The following SH3KBP1 variants were observed in gnomAD, a reference collection of about 807,000 sequenced individuals.
SH3KBP1 encodes SH3 domain-containing kinase-binding protein 1.
SH3KBP1 carries 8 observed loss-of-function variants against 50.1 expected under a neutral mutation model. That is an observed-to-expected ratio of 0.16 (90% CI 0.09 to 0.29). The LOEUF is 0.29. SH3KBP1 is among the 10% of genes least tolerant of loss of function. The probability of loss-of-function intolerance (pLI) is 1.00; values close to 1 mark genes in which losing one functional copy is unlikely to be tolerated. For missense variants in SH3KBP1, 377 were observed against 535.2 expected (o/e 0.70, Z 2.92); for synonymous variants, 227 against 218.6 (o/e 1.04, Z -0.34).
intron 8 of SH3KBP1, among the ~76,000 whole-genome samples, chrX:19,623,661 G>A (rs1031098008): frequency 9.8e-5 from 11 of 112,462 alleles, no homozygotes; most frequent in Non-Finnish European, 1.5e-4. Context: ...TCCAGCCTGG[G>A]TGACAGAGCG....
chrX:19,882,363 A>G (rs1415205455), intron 1 of SH3KBP1, among the ~76,000 whole-genome samples: 1 of 111,306 alleles, frequency 9.0e-6, no homozygotes, highest in Non-Finnish European at 1.9e-5. Context: ...TGAGGAGATG[A>G]GCCTGGAATA....
chrX:19,847,659 G>A (rs891839444), intron 1 of SH3KBP1, among the ~76,000 whole-genome samples: 2 of 112,055 alleles, frequency 1.8e-5, no homozygotes, highest in East Asian at 2.8e-4. Flanking sequence ...TGCATTTCAC[G>A]GTTTCATCCT....
chrX:19,634,391 C>A (rs950299271), intron 7 of SH3KBP1, among the ~76,000 whole-genome samples: 4 of 111,393 alleles, frequency 3.6e-5, no homozygotes, highest in Non-Finnish European at 7.5e-5. Context: ...TAACCATCAC[C>A]ATAATCCAGC....
intron 6 of SH3KBP1, among the ~76,000 whole-genome samples, chrX:19,672,247 A>G (rs1391735122): frequency 1.8e-5 from 2 of 112,232 alleles, no homozygotes; most frequent in African/African-American, 6.5e-5. Context: ...ACGGAGGAGA[A>G]TAAACAAATC....
At chrX:19,773,488 CACACAA>C (rs1274999326) in intron 2 of SH3KBP1, among the ~76,000 whole-genome samples, 2 of 92,935 alleles carry the variant, frequency 2.2e-5, no homozygotes, top group African/African-American at 9.5e-5. Flanking sequence ...CTCTCTCACA[CACACAA>C]ACACACACAC....
intron 6 of SH3KBP1, among the ~76,000 whole-genome samples, chrX:19,682,330 T>TCACA (rs1313944535): frequency 1.6e-5 from 1 of 61,943 alleles, no homozygotes; most frequent in Non-Finnish European, 2.9e-5. Context: ...ATAATAAGAG[T>TCACA]CATACACACA....
chrX:19,579,568 C>G (rs1312101181), intron 12 of SH3KBP1, among the ~76,000 whole-genome samples: 1 of 112,301 alleles, frequency 8.9e-6, no homozygotes, highest in African/African-American at 3.2e-5. Context: ...TACTGTTTCA[C>G]TGCCTGATTC....
chrX:19,821,018 T>C (rs888405014), intron 2 of SH3KBP1, among the ~76,000 whole-genome samples: 10 of 111,889 alleles, frequency 8.9e-5, no homozygotes, highest in Non-Finnish European at 1.7e-4. Flanking sequence ...ATAATTTTCT[T>C]GCATATTACC....
rs55675573 is a variant in SH3KBP1 at position 19,722,569 on chromosome X, GGTGTGTGTGTGT to G, written c.287-15597_287-15586del. 9.4e-4 allele frequency among the ~76,000 whole-genome samples: 79 copies of G among 84,238 alleles called. 1 individual carries two copies. The highest frequency in any genetic ancestry group is 4.7e-3 in the East Asian group (12 of 2,542). The allele number at this position is 84,238 out of a possible 115,157, so 73.2% of individuals were successfully genotyped here. ...GTGTGTGTGTGTGCGCGTGCGCACT[GGTGTGTGTGTGT>G]GTGTGTGTGTGTGTGTGTGTGTGTG... On this transcript the variant is annotated intron_variant, in intron 3 of 17. Coordinates refer to ENST00000397821, the MANE Select transcript of SH3KBP1 (RefSeq NM_031892.3).
intron 4 of SH3KBP1, among the ~76,000 whole-genome samples, chrX:19,699,828 T>A (rs887780819): frequency 9.0e-6 from 1 of 111,616 alleles, no homozygotes; most frequent in Non-Finnish European, 1.9e-5. Context: ...AAAGAGGAAG[T>A]CTGTGACTGA....
At chrX:19,887,057 C>CCG (rs1405777304) in intron 1 of SH3KBP1, among the ~76,000 whole-genome samples, 1 of 111,794 alleles carries the variant, frequency 8.9e-6, no homozygotes, top group African/African-American at 3.3e-5. Flanking sequence ...CCCGAGCCGC[C>CCG]CGGGGCCAGC....
At chrX:19,583,954 ATTG>A (rs1358214600) in intron 12 of SH3KBP1, among the ~76,000 whole-genome samples, 13 of 96,735 alleles carry the variant, frequency 1.3e-4, no homozygotes, top group East Asian at 1.2e-3. Context: ...ATAAATATAT[ATTG>A]TTAATATATA....
intron 5 of SH3KBP1, among the ~76,000 whole-genome samples, chrX:19,686,821 G>A (rs940694146): frequency 1.3e-4 from 15 of 111,625 alleles, no homozygotes; most frequent in African/African-American, 4.9e-4. Context: ...AAAGGTGGAT[G>A]CTTTTCCTTC....
intron 3 of SH3KBP1, among the ~76,000 whole-genome samples, chrX:19,732,596 T>TACACACACACACACAC (rs60032683): frequency 2.0e-4 from 18 of 90,748 alleles, no homozygotes; most frequent in African/African-American, 7.3e-4. Context: ...TAAAAATCCC[T>TACACACACACACACAC]ACACACACAC....
chrX:19,758,450 C>A (rs888566914), intron 2 of SH3KBP1, among the ~76,000 whole-genome samples: 15 of 109,113 alleles, frequency 1.4e-4, no homozygotes, highest in African/African-American at 5.0e-4. Flanking sequence ...ATAGTTTTAT[C>A]ATGGGTAGGA....
At chrX:19,728,495 G>A (rs1411957370) in intron 3 of SH3KBP1, among the ~76,000 whole-genome samples, 1 of 112,087 alleles carries the variant, frequency 8.9e-6, no homozygotes, top group Non-Finnish European at 1.9e-5. Context: ...ACCAAAGACA[G>A]AAACATTATT....
chrX:19,786,311 G>A (rs1428641612), intron 2 of SH3KBP1, among the ~76,000 whole-genome samples: 1 of 111,304 alleles, frequency 9.0e-6, no homozygotes, highest in Non-Finnish European at 1.9e-5. Flanking sequence ...ATGAGGAGGA[G>A]AGAGAACAAA....
intron 6 of SH3KBP1, among the ~76,000 whole-genome samples, chrX:19,653,062 CTATAG>C (rs1366581024): frequency 2.7e-5 from 3 of 111,835 alleles, no homozygotes; most frequent in East Asian, 2.8e-4. Flanking sequence ...TCACTGCTCA[CTATAG>C]TAGCCTTGGA....
At chrX:19,648,756 G>A (rs2062050897) in intron 6 of SH3KBP1, among the ~76,000 whole-genome samples, 1 of 110,984 alleles carries the variant, frequency 9.0e-6, no homozygotes, top group African/African-American at 3.3e-5. Flanking sequence ...CCCAGTCATT[G>A]CATGTACCCT....
Sources: allele counts gnomAD v4.1 joint callset (sites outside exome capture counted in the v4.1 genomes callset), GRCh38; gene constraint gnomAD v4.1.1; transcripts MANE v1.5; gene names NCBI Gene and HGNC (gene_info 2026-07-23, HGNC 2026-07-21).